The following RSU1 variants were observed in gnomAD, a reference collection of about 807,000 sequenced individuals.
RSU1 encodes the protein rsu-1.
Under a neutral mutation model 31.1 loss-of-function variants are expected in RSU1, and 26 were observed. The ratio of observed to expected loss-of-function variants is 0.84; its 90% CI spans 0.61 to 1.16. RSU1 has a LOEUF of 1.16. Among genes scored for constraint, RSU1 ranks in the 50% most tolerant of loss-of-function variants. The probability of loss-of-function intolerance (pLI) is 0.00; values close to 1 mark genes in which losing one functional copy is unlikely to be tolerated. For synonymous variants in RSU1, 164 were observed against 136.3 expected, an observed-to-expected ratio of 1.20 and a Z score of -1.41; for missense variants, 320 against 339.1, an observed-to-expected ratio of 0.94 and a Z score of 0.44.
intron 4 of RSU1, among the ~76,000 whole-genome samples, 153 bp downstream of exon 4, chr10:16,764,237 A>C (rs190574736): frequency 1.3e-5 from 2 of 152,006 alleles, no homozygotes; most frequent in Non-Finnish European, 2.9e-5. Flanking sequence ...AGAATATATT[A>C]AAACAATAAA....
At chr10:16,761,957 T>G (rs1837218765) in intron 4 of RSU1, among the ~76,000 whole-genome samples, 1 of 152,174 alleles carries the variant, frequency 6.6e-6, no homozygotes, top group Non-Finnish European at 1.5e-5. Context: ...TCGGCTCCTG[T>G]GCTCCCTGCT....
intron 7 of RSU1, among the ~76,000 whole-genome samples, chr10:16,726,569 A>G (rs1836401348): frequency 1.3e-5 from 2 of 152,104 alleles, no homozygotes; most frequent in African/African-American, 4.8e-5. Context: ...CCGGCCAAGA[A>G]CGTATCTTGA....
rs116946606 is a variant in RSU1 at position 16,604,518 on chromosome 10, G to A, written c.732-11022C>T. 3.3e-5 allele frequency among the ~76,000 whole-genome samples: 5 copies of A among 152,004 alleles called. No individual in the cohort carries two copies. The East Asian group carries it at 9.7e-4, about 29-fold the overall frequency. ...CCACACCTGCACGGTCCAGCTTCTG[G>A]CCAGCTCCCCTCCTATACCTTCTGC... On this transcript the variant is annotated intron_variant, in intron 8 of 8. Coordinates refer to ENST00000345264, the MANE Select transcript of RSU1 (RefSeq NM_012425.4).
At chr10:16,730,960 A>T (rs1836498708) in intron 7 of RSU1, among the ~76,000 whole-genome samples, 1 of 151,936 alleles carries the variant, frequency 6.6e-6, no homozygotes, top group Admixed American at 6.6e-5. Context: ...AGTAGCTGGG[A>T]TTATAGATGC....
At chr10:16,710,319 T>C (rs1835990640) in intron 7 of RSU1, among the ~76,000 whole-genome samples, 2 of 152,238 alleles carry the variant, frequency 1.3e-5, no homozygotes, top group Admixed American at 6.5e-5. Context: ...TTGACTTGCA[T>C]ACGTTAAACT....
At chr10:16,725,097 C>T (rs550961634) in intron 7 of RSU1, among the ~76,000 whole-genome samples, 7 of 152,188 alleles carry the variant, frequency 4.6e-5, no homozygotes, top group African/African-American at 1.7e-4. Context: ...GAATAGTTGT[C>T]GTGAGTTTTG....
chr10:16,630,100 C>T (rs1037144792), intron 8 of RSU1, among the ~76,000 whole-genome samples: 1 of 151,870 alleles, frequency 6.6e-6, no homozygotes, highest in Non-Finnish European at 1.5e-5. Context: ...AAGGCGGCTT[C>T]TCACCATGTT....
rs1029950104 is a variant in RSU1, at chr10:16,817,252, G to T, written c.-4+63C>A. ...GCGGGGAGGGGATGGAGTGGGAAGG[G>T]TTCAGCCCCGCTGCGGCCACGCAGC... On this transcript the variant is annotated intron_variant, in intron 1 of 8. Coordinates refer to ENST00000345264, the MANE Select transcript of RSU1 (RefSeq NM_012425.4). 2.8e-4 allele frequency: 171 copies of T among 602,234 alleles called. 3 individuals are homozygous for T. The highest frequency in any genetic ancestry group is 3.9e-4 in the Non-Finnish European group (131 of 338,174). The allele number at this position is 602,234 out of a possible 1,614,324, so 37.3% of individuals were successfully genotyped here.
chr10:16,686,533 T>C (rs1835443473), intron 8 of RSU1, among the ~76,000 whole-genome samples: 1 of 152,154 alleles, frequency 6.6e-6, no homozygotes, highest in Admixed American at 6.5e-5. Context: ...TTTTGGAGTA[T>C]GGATGGAGTC....
intron 8 of RSU1, among the ~76,000 whole-genome samples, chr10:16,594,878 A>G (rs1386102000): frequency 6.8e-6 from 1 of 147,376 alleles, no homozygotes; most frequent in Non-Finnish European, 1.5e-5. Context: ...TCTGCCTCCC[A>G]GGTTCAAGCA....
In RSU1 at chr10:16,592,633, G is replaced by A. The variant is rs1325945142; in HGVS notation, c.*761C>T. On this transcript the variant is annotated 3_prime_UTR_variant, in exon 9 of 9. Transcript: ENST00000345264. The stretch of plus-strand genomic sequence containing the variant: ...CCCTGGCAGAAATCACCATTTCTTC[G>A]GCGAAGGAATGCTACTTTCCAAAAT... The A allele has an allele frequency of 1.3e-5, 2 of 151,916 alleles. No homozygotes were observed. The highest frequency in any genetic ancestry group is 2.4e-5 in the African/African-American group (1 of 41,322). The allele number at this position is 151,916 out of a possible 1,614,324, so 9.4% of individuals were successfully genotyped here.
At chr10:16,787,883 T>A (rs180851219) in intron 2 of RSU1, among the ~76,000 whole-genome samples, 170 of 152,300 alleles carry the variant, frequency 1.1e-3, no homozygotes, top group African/African-American at 4.0e-3. Flanking sequence ...TAGGACTGAA[T>A]TGTTACAGAA....
intron 7 of RSU1, among the ~76,000 whole-genome samples, chr10:16,738,492 T>A (rs1294507178): frequency 6.6e-6 from 1 of 151,978 alleles, no homozygotes; most frequent in East Asian, 1.9e-4. Flanking sequence ...ACGTAAGCTT[T>A]CACCTAAACA....
intron 2 of RSU1, among the ~76,000 whole-genome samples, chr10:16,800,332 T>C (rs990883385): frequency 1.3e-5 from 2 of 152,096 alleles, no homozygotes; most frequent in African/African-American, 4.8e-5. Context: ...AGAGCTCTAA[T>C]GGAAAAAGTA....
intron 7 of RSU1, among the ~76,000 whole-genome samples, chr10:16,710,803 C>T (rs542006096): frequency 6.6e-6 from 1 of 152,196 alleles, no homozygotes; most frequent in African/African-American, 2.4e-5. Context: ...TTCTCCAATG[C>T]TATCCCTCCT....
At chr10:16,700,548 A>G (rs1480198976) in intron 7 of RSU1, among the ~76,000 whole-genome samples, 2 of 152,200 alleles carry the variant, frequency 1.3e-5, no homozygotes, top group Admixed American at 6.5e-5. Flanking sequence ...ACTCTCCCAC[A>G]TAGACAAAGA....
intron 7 of RSU1, among the ~76,000 whole-genome samples, chr10:16,695,441 G>T (rs1588720156): frequency 6.6e-6 from 1 of 152,156 alleles, no homozygotes; most frequent in African/African-American, 2.4e-5. Flanking sequence ...AAAATGACTT[G>T]TTCAAAATTA....
At chr10:16,749,266 T>G (rs1388797431) in intron 7 of RSU1, among the ~76,000 whole-genome samples, 2 of 152,198 alleles carry the variant, frequency 1.3e-5, no homozygotes, top group Non-Finnish European at 2.9e-5. Flanking sequence ...AATCACGTAT[T>G]AAACCTCCAG....
intron 8 of RSU1, among the ~76,000 whole-genome samples, chr10:16,651,001 A>G (rs1834676189): frequency 1.3e-5 from 2 of 152,224 alleles, no homozygotes; most frequent in South Asian, 4.1e-4. Flanking sequence ...AATGTGGAGT[A>G]TGGAATTTAG....
Sources: gnomAD v4.1 joint callset for allele counts (sites outside exome capture counted in the v4.1 genomes callset) on GRCh38, gnomAD v4.1.1 for gene constraint, MANE v1.5 for transcripts, NCBI Gene and HGNC (gene_info 2026-07-23, HGNC 2026-07-21) for gene names.